SLC8A1: variants seen among roughly 807,000 people sequenced by gnomAD.
SLC8A1 encodes the protein solute carrier family 8 member A1, also known as sodium/calcium exchanger 1.
In SLC8A1, 18 loss-of-function variants were observed where a neutral mutation model predicts 68.3. The ratio of observed to expected loss-of-function variants is 0.26; its 90% CI spans 0.18 to 0.39. SLC8A1 has a LOEUF of 0.39. SLC8A1 is among the 10% of genes least tolerant of loss of function. SLC8A1 has a pLI of 1.00. For missense variants in SLC8A1, 985 were observed against 1,156.7 expected (o/e 0.85, Z 2.15); for synonymous variants, 475 against 415.5 (o/e 1.14, Z -1.74).
intron 2 of SLC8A1, among the ~76,000 whole-genome samples, chr2:40,333,427 G>C (rs1426347704): frequency 8.9e-6 from 1 of 112,600 alleles, no homozygotes; most frequent in African/African-American, 3.8e-5. Context: ...AAGAGAGCGA[G>C]ACTCCGTCTC....
chr2:40,154,479 CTTTTCTTTT>C (rs1209826810), intron 6 of SLC8A1, among the ~76,000 whole-genome samples: 2 of 30,044 alleles, frequency 6.7e-5, no homozygotes, highest in Non-Finnish European at 1.5e-4. Context: ...AATTTTTTTT[CTTTTCTTTT>C]TTTTTTTTTT....
chr2:40,452,342 G>A (rs1304453077), upstream of SLC8A1, among the ~76,000 whole-genome samples: 1 of 152,034 alleles, frequency 6.6e-6, no homozygotes, highest in African/African-American at 2.4e-5. Context: ...AGCACCGAGC[G>A]GGTGGGGAGC....
intron 2 of SLC8A1, among the ~76,000 whole-genome samples, chr2:40,346,002 TA>T (rs1268429980): frequency 9.2e-6 from 1 of 109,190 alleles, no homozygotes; most frequent in Non-Finnish European, 1.9e-5. Flanking sequence ...CCCCAGAACT[TA>T]AAGTAAAATT....
At chr2:40,150,454 T>C (rs2043210521) in intron 6 of SLC8A1, among the ~76,000 whole-genome samples, 1 of 152,162 alleles carries the variant, frequency 6.6e-6, no homozygotes, top group South Asian at 2.1e-4. Context: ...ATACAAAGGC[T>C]CCCGACTGGG....
At chr2:40,285,501 T>G (rs2068164493) in intron 2 of SLC8A1, among the ~76,000 whole-genome samples, 1 of 152,176 alleles carries the variant, frequency 6.6e-6, no homozygotes. Flanking sequence ...GTCTAAATAT[T>G]AAGCTTTATC....
At chr2:40,160,849 G>C in exon 6 of SLC8A1, 1 of 1,612,726 alleles carries the variant, frequency 6.2e-7, no homozygotes, top group Non-Finnish European at 8.5e-7. Flanking sequence ...TTCTTAATGA[G>C]TTTGTCCACA....
chr2:40,165,904 T>C (rs1379993015), intron 4 of SLC8A1, among the ~76,000 whole-genome samples: 1 of 152,182 alleles, frequency 6.6e-6, no homozygotes, highest in Non-Finnish European at 1.5e-5. Flanking sequence ...TAATTACCCT[T>C]ATCCTTTAGG....
At chr2:40,250,672 C>CCTAACTTTCTCCTAGCCAA (rs1553450674) in intron 2 of SLC8A1, among the ~76,000 whole-genome samples, 1 of 152,260 alleles carries the variant, frequency 6.6e-6, no homozygotes, top group East Asian at 1.9e-4. Context: ...GAAACTTTCG[C>CCTAACTTTCTCCTAGCCAA]CTAACTTTCT....
intron 2 of SLC8A1, among the ~76,000 whole-genome samples, chr2:40,226,899 G>A (rs1436716330): frequency 6.6e-6 from 1 of 152,128 alleles, no homozygotes; most frequent in East Asian, 1.9e-4. Context: ...AATAAAACAT[G>A]TGAACAAAAC....
intron 7 of SLC8A1, among the ~76,000 whole-genome samples, chr2:40,117,348 C>T (rs2035671276): frequency 7.3e-6 from 1 of 136,092 alleles, no homozygotes; most frequent in Admixed American, 8.4e-5. Context: ...AGTTCGAGAC[C>T]AGTTTGGCCA....
chr2:40,351,249 A>C (rs1248117594), intron 2 of SLC8A1, among the ~76,000 whole-genome samples: 8 of 152,140 alleles, frequency 5.3e-5, no homozygotes, highest in African/African-American at 1.4e-4. Context: ...CTAAACTCTC[A>C]CTGAATAAAT....
At chr2:40,318,640 C>T (rs569435984) in intron 2 of SLC8A1, among the ~76,000 whole-genome samples, 23 of 152,104 alleles carry the variant, frequency 1.5e-4, no homozygotes, top group South Asian at 2.1e-4. Context: ...AAATGTAGAC[C>T]GTTGCTGTCT....
chr2:40,498,891 C>T (rs1576673409), intron 1 of SLC8A1, among the ~76,000 whole-genome samples: 2 of 151,968 alleles, frequency 1.3e-5, no homozygotes. Context: ...TCAGAATTAC[C>T]TAAAAACTAT....
intron 1 of SLC8A1, among the ~76,000 whole-genome samples, chr2:40,510,158 C>T (rs543247583): frequency 3.9e-5 from 6 of 152,068 alleles, no homozygotes; most frequent in South Asian, 2.1e-4. Context: ...TATTTTTTTA[C>T]GTAAGACTGC....
At chr2:40,131,069 C>T (rs377671402) in intron 7 of SLC8A1, among the ~76,000 whole-genome samples, 9 of 152,178 alleles carry the variant, frequency 5.9e-5, no homozygotes, top group South Asian at 2.1e-4. Flanking sequence ...CTACTATATG[C>T]GAGGCTCTGT....
intron 1 of SLC8A1, among the ~76,000 whole-genome samples, chr2:40,504,377 A>G (rs555623826): frequency 3.2e-4 from 49 of 152,048 alleles, no homozygotes; most frequent in Non-Finnish European, 5.7e-4. Context: ...CTTGAAGAAC[A>G]TCTCCAGCAC....
intron 2 of SLC8A1, among the ~76,000 whole-genome samples, chr2:40,342,551 G>A (rs1294160685): frequency 6.6e-6 from 1 of 152,074 alleles, no homozygotes; most frequent in East Asian, 1.9e-4. Context: ...AGAGTTTCTG[G>A]AAATTTTAAA....
chr2:40,387,530 TCTCA>T (rs1213324417), intron 2 of SLC8A1, among the ~76,000 whole-genome samples: 2 of 151,374 alleles, frequency 1.3e-5, no homozygotes, highest in East Asian at 1.9e-4. Flanking sequence ...TCTGCATTGT[TCTCA>T]CTGTTATTTA....
At chr2:40,357,381 C>T (rs1006928493) in intron 2 of SLC8A1, among the ~76,000 whole-genome samples, 20 of 150,884 alleles carry the variant, frequency 1.3e-4, no homozygotes, top group African/African-American at 2.9e-4. Context: ...CCTGCAGTCC[C>T]GACTACTTAG....
Sources: allele counts gnomAD v4.1 joint callset (sites outside exome capture counted in the v4.1 genomes callset), GRCh38; gene constraint gnomAD v4.1.1; transcripts MANE v1.5; gene names NCBI Gene and HGNC (gene_info 2026-07-23, HGNC 2026-07-21).